MFAP5: variants seen among roughly 807,000 people sequenced by gnomAD.
The protein encoded by MFAP5 is microfibril associated protein 5, also known as microfibrillar-associated protein 5.
In MFAP5, 19 loss-of-function variants were observed where a neutral mutation model predicts 30.1. That is an observed-to-expected ratio of 0.63 (90% CI 0.44 to 0.93). The LOEUF (loss-of-function observed/expected upper bound fraction) is 0.93. MFAP5 is among the 40% of genes least tolerant of loss of function. The pLI, the probability that MFAP5 is intolerant of heterozygous loss-of-function variation, is 0.00. For synonymous variants in MFAP5, 92 were observed against 72.9 expected (o/e 1.26, Z -1.33); for missense variants, 210 against 221.3 (o/e 0.95, Z 0.32).
At chr12:8,650,385 G>T in intron 8 of MFAP5, 117 bp downstream of exon 8, 1 of 875,642 alleles carries the variant, frequency 1.1e-6, no homozygotes, top group Non-Finnish European at 1.9e-6. Context: ...GGAGGGTTGT[G>T]CTAAAAACTT....
chr12:8,660,821 G>T, intron 3 of MFAP5, 42 bp downstream of exon 3: 1 of 1,556,474 alleles, frequency 6.4e-7, no homozygotes, highest in Non-Finnish European at 8.8e-7. Context: ...AAATTTTCCT[G>T]ATAAGAACCC....
rs747401403 is a variant in MFAP5 at position 8,648,502 on chromosome 12, A to C, written c.410-299T>G. ...TGCAAAGTACCTAGCACAGGTGAGCAGTAAATGTTAGTTTCCTTTATATAT... is the reference window on the plus strand; with the variant it reads ...TGCAAAGTACCTAGCACAGGTGAGCCGTAAATGTTAGTTTCCTTTATATAT... On this transcript the variant is annotated intron_variant, in intron 9 of 9. Transcript: ENST00000359478. The C allele has an allele frequency of 2.8e-5, 36 of 1,294,430 alleles. 1 individual carries two copies. The highest frequency in any genetic ancestry group is 2.6e-4 in the South Asian group (21 of 80,482). 80.2% of individuals were successfully genotyped at this position (1,294,430 alleles called of 1,614,324 possible). A position where few individuals can be genotyped will look rare whatever the true frequency, so the allele number is the denominator to read the frequency against.
intron 6 of MFAP5, among the ~76,000 whole-genome samples, chr12:8,653,348 C>T (rs1470034849): frequency 2.6e-5 from 4 of 152,132 alleles, no homozygotes; most frequent in African/African-American, 7.2e-5. Flanking sequence ...GCTGGTTTTC[C>T]GGGTTCCAGG....
rs748508215 is a variant in MFAP5 at position 8,655,029 on chromosome 12, C to T, written c.172+386G>A. On this transcript the variant is annotated intron_variant, in intron 5 of 9. Transcript: ENST00000359478. Reference sequence around the variant, plus strand: ...GATAGAAGCAGGCTGGACGCTGTGGCTCATGCCTGTAATCCCAGCACTTTG... The same window carrying T: ...GATAGAAGCAGGCTGGACGCTGTGGTTCATGCCTGTAATCCCAGCACTTTG... 2.6e-5 allele frequency among the ~76,000 whole-genome samples: 4 copies of T among 152,046 alleles called. No homozygotes were observed. The East Asian group carries it at 7.8e-4, about 30-fold the overall frequency.
At chr12:8,648,953 C>A (rs965571067) in intron 9 of MFAP5, among the ~76,000 whole-genome samples, 1 of 152,202 alleles carries the variant, frequency 6.6e-6, no homozygotes, top group South Asian at 2.1e-4. Flanking sequence ...TAACATCTTT[C>A]TACCTTCTTC....
At chr12:8,655,522 A>G in intron 4 of MFAP5, 75 bp from the exon 5 acceptor site, 1 of 1,466,134 alleles carries the variant, frequency 6.8e-7, no homozygotes, top group South Asian at 1.2e-5. Flanking sequence ...TAAGGGGACG[A>G]TGATCTCAAA....
chr12:8,660,292 C>A lies in MFAP5; in HGVS notation c.94+571G>T, dbSNP rs143015109. 5.2e-3 allele frequency among the ~76,000 whole-genome samples: 785 copies of A among 151,552 alleles called. 7 individuals carry two copies. Among genetic ancestry groups the A allele is most frequent in the African/African-American group, 0.015 (615 of 41,290 alleles). On this transcript the variant is annotated intron_variant, in intron 3 of 9. Coordinates refer to ENST00000359478, the MANE Select transcript of MFAP5 (RefSeq NM_003480.4). ...CAACCGCAGCCTCCTGGGTTCAAGC[C>A]ATTCTCATGCCTCAGCCTCCTGAGT...
Position 8,649,526 on chromosome 12 carries a change from G to T in MFAP5, c.384C>A (p.Val128=), listed in dbSNP as rs1352284157. 1.9e-6 allele frequency: 3 copies of T among 1,613,900 alleles called. No individual in the cohort carries two copies. The highest frequency in any genetic ancestry group is 2.5e-6 in the Non-Finnish European group (3 of 1,180,002). The part of the protein sequence containing the change: ...IVNKEICSRL[V]CKEHEAMKDE... ...CTTTCATAGCTTCGTGTTCCTTACA[G>T]ACAAGACGAGAGCAGATCTCCTTGT... The change falls in exon 9 of 10, where the codon GTC becomes GTA. Residue 128 remains valine, a synonymous_variant. Transcript: ENST00000359478.
intron 6 of MFAP5, among the ~76,000 whole-genome samples, chr12:8,653,141 A>G (rs377732217): frequency 6.0e-4 from 91 of 151,856 alleles, no homozygotes; most frequent in African/African-American, 2.0e-3. Context: ...GCAGTGAGCC[A>G]AGATCGCGCT....
chr12:8,648,513 G>C (rs1316020877), intron 9 of MFAP5: 1 of 1,293,542 alleles, frequency 7.7e-7, no homozygotes. Flanking sequence ...GTAAATGTTA[G>C]TTTCCTTTAT....
At chr12:8,654,326 C>G (rs1288186703) in intron 6 of MFAP5, 111 bp downstream of exon 6, 2 of 1,060,862 alleles carry the variant, frequency 1.9e-6, no homozygotes, top group Non-Finnish European at 2.7e-6. Flanking sequence ...GCTCCATAAA[C>G]TGTCATCCTG....
chr12:8,649,757 G>C (rs1941782589), intron 8 of MFAP5, among the ~76,000 whole-genome samples, 183 bp from the exon 9 acceptor site: 1 of 152,158 alleles, frequency 6.6e-6, no homozygotes, highest in Admixed American at 6.5e-5. Flanking sequence ...ATAGGGGAGG[G>C]AATGGTATTA....
In MFAP5 at chr12:8,654,561, G is replaced by A. The variant is rs1002037106; in HGVS notation, c.173-80C>T. 4 of 1,353,952 alleles carry A rather than the reference G, an allele frequency of 3.0e-6. No individual in the cohort carries two copies. The African/African-American group carries it at 5.8e-5, about 20-fold the overall frequency. 83.9% of individuals were successfully genotyped at this position (1,353,952 alleles called of 1,614,324 possible). A position where few individuals can be genotyped will look rare whatever the true frequency, so the allele number is the denominator to read the frequency against. On this transcript the variant is annotated intron_variant, in intron 5 of 9. Transcript: ENST00000359478. Reference sequence around the variant, plus strand: ...GCAGAGTAAGAAAAGGGAGAATGGAGATACCGTGGCAGGTGGAAGACTATG... The same window carrying A: ...GCAGAGTAAGAAAAGGGAGAATGGAAATACCGTGGCAGGTGGAAGACTATG...
intron 6 of MFAP5, among the ~76,000 whole-genome samples, chr12:8,653,706 G>A (rs754302135): frequency 7.9e-5 from 12 of 152,096 alleles, no homozygotes; most frequent in African/African-American, 2.9e-4. Context: ...CCTGATTATC[G>A]AATTTTGTGA....
chr12:8,651,600 G>A, intron 7 of MFAP5, 62 bp downstream of exon 7: 1 of 1,513,604 alleles, frequency 6.6e-7, no homozygotes, highest in Admixed American at 1.7e-5. Flanking sequence ...CAAAGAACAA[G>A]GAGGTAAGGA....
At chr12:8,648,681 T>C (rs978608914) in intron 9 of MFAP5, 7 of 394,030 alleles carry the variant, frequency 1.8e-5, no homozygotes, top group Non-Finnish European at 3.1e-5. Flanking sequence ...ATACCCATCC[T>C]CAATCTCAAG....
At chr12:8,660,776 G>A in intron 3 of MFAP5, 87 bp downstream of exon 3, 1 of 965,498 alleles carries the variant, frequency 1.0e-6, no homozygotes, top group Non-Finnish European at 1.6e-6. Context: ...GGCAGCGATA[G>A]ATAAGCAGGA....
At chr12:8,654,837 A>G (rs893239734) in intron 5 of MFAP5, among the ~76,000 whole-genome samples, 1 of 151,412 alleles carries the variant, frequency 6.6e-6, no homozygotes, top group Admixed American at 6.6e-5. Flanking sequence ...GCTACTCAGG[A>G]GGCTGAGGCA....
chr12:8,649,701 A>G (rs1293562534), intron 8 of MFAP5, 127 bp from the exon 9 acceptor site: 5 of 691,630 alleles, frequency 7.2e-6, no homozygotes, highest in East Asian at 2.7e-5. Flanking sequence ...CTTTTCCCCA[A>G]CTGTATTTTC....
Sources: gnomAD v4.1 joint callset for allele counts (sites outside exome capture counted in the v4.1 genomes callset) on GRCh38, gnomAD v4.1.1 for gene constraint, MANE v1.5 for transcripts, NCBI Gene and HGNC (gene_info 2026-07-23, HGNC 2026-07-21) for gene names.